PPP1R9A: variants seen among roughly 807,000 people sequenced by gnomAD.
PPP1R9A encodes the protein protein phosphatase 1 regulatory subunit 9A, also known as neurabin-1.
PPP1R9A carries 59 observed loss-of-function variants against 141.9 expected under a neutral mutation model. That is an observed-to-expected ratio of 0.42 (90% CI 0.34 to 0.52). The LOEUF (loss-of-function observed/expected upper bound fraction) is 0.52. Ranked by LOEUF, PPP1R9A falls within the 20% of genes least tolerant of loss-of-function variation. The pLI, the probability that PPP1R9A is intolerant of heterozygous loss-of-function variation, is 0.10. For missense variants in PPP1R9A, 1,444 were observed against 1,611.9 expected, an observed-to-expected ratio of 0.90 and a Z score of 1.78; for synonymous variants, 500 against 569.7, an observed-to-expected ratio of 0.88 and a Z score of 1.74.
intron 8 of PPP1R9A, among the ~76,000 whole-genome samples, chr7:95,244,200 G>C (rs188398347): frequency 6.6e-6 from 1 of 152,132 alleles, no homozygotes; most frequent in African/African-American, 2.4e-5. Flanking sequence ...TTGCGCAGTT[G>C]TTCTCACCTC....
At chr7:94,962,879 G>C (rs1172675073) in intron 2 of PPP1R9A, among the ~76,000 whole-genome samples, 1 of 151,998 alleles carries the variant, frequency 6.6e-6, no homozygotes, top group Non-Finnish European at 1.5e-5. Context: ...TGTGGGTTTT[G>C]GTGTAGGCAG....
Position 95,181,420 on chromosome 7 carries a change from A to T in PPP1R9A, c.1755-16929A>T, listed in dbSNP as rs1563370186. On this transcript the variant is annotated intron_variant, in intron 5 of 19. Transcript: ENST00000433360. ...TATATATATTCCATCATATATATAG[A>T]ATATAGAGAATATATATATTCCATC... 4.4e-3 allele frequency among the ~76,000 whole-genome samples: 376 copies of T among 85,828 alleles called. 5 individuals are homozygous for T. Among genetic ancestry groups the T allele is most frequent in the African/African-American group, 0.012 (358 of 29,788 alleles). The allele number at this position is 85,828 out of a possible 152,430, so 56.3% of individuals were successfully genotyped here.
rs1264501101 is a variant in PPP1R9A at position 95,274,179 on chromosome 7, G to C, written c.3296+11G>C. The C allele has an allele frequency of 6.5e-7, 1 of 1,533,988 alleles. No individual in the cohort carries two copies. The highest frequency in any genetic ancestry group is 1.4e-5 in the African/African-American group (1 of 73,268). On this transcript the variant is annotated intron_variant, in intron 16 of 19. Transcript: ENST00000433360. Reference sequence around the variant, plus strand: ...TTCTGCAGGTAGCAGGTACGGTTGTGTGATTAAGAACACGTGTATTTCTAT... The same window carrying C: ...TTCTGCAGGTAGCAGGTACGGTTGTCTGATTAAGAACACGTGTATTTCTAT...
chr7:95,220,843 C>T (rs1794318151), intron 7 of PPP1R9A, among the ~76,000 whole-genome samples: 1 of 152,066 alleles, frequency 6.6e-6, no homozygotes, highest in Admixed American at 6.6e-5. Context: ...AGGATGTTCT[C>T]ATGTACACGG....
chr7:95,244,869 T>G (rs1338448274), intron 8 of PPP1R9A, among the ~76,000 whole-genome samples: 1 of 152,168 alleles, frequency 6.6e-6, no homozygotes, highest in African/African-American at 2.4e-5. Context: ...GTTTTATCAC[T>G]TAATCATCCA....
chr7:95,173,627 C>A (rs1832479966), intron 5 of PPP1R9A, among the ~76,000 whole-genome samples: 1 of 151,956 alleles, frequency 6.6e-6, no homozygotes, highest in East Asian at 1.9e-4. Flanking sequence ...AAACAATTTT[C>A]TGATAAAGAA....
At chr7:95,180,681 G>GA (rs1279469460) in intron 5 of PPP1R9A, among the ~76,000 whole-genome samples, 1 of 151,112 alleles carries the variant, frequency 6.6e-6, no homozygotes, top group African/African-American at 2.4e-5. Flanking sequence ...AAATCAGCAA[G>GA]AAAAAAAATC....
intron 2 of PPP1R9A, among the ~76,000 whole-genome samples, chr7:95,001,442 C>T (rs539302297): frequency 1.3e-5 from 2 of 152,150 alleles, no homozygotes; most frequent in East Asian, 1.9e-4. Flanking sequence ...AGTTCAAAGT[C>T]CAGAGGTATT....
chr7:94,939,387 G>A (rs1284264206), intron 2 of PPP1R9A, among the ~76,000 whole-genome samples: 1 of 152,074 alleles, frequency 6.6e-6, no homozygotes, highest in South Asian at 2.1e-4. Flanking sequence ...ACTACTTGCT[G>A]AATAAATGAA....
chr7:95,031,311 C>T (rs1035945504), intron 2 of PPP1R9A, among the ~76,000 whole-genome samples: 9 of 152,112 alleles, frequency 5.9e-5, no homozygotes, highest in African/African-American at 2.2e-4. Flanking sequence ...GGAAGGTATA[C>T]AGAAAGCGTT....
At chr7:95,010,522 T>A (rs1356916941) in intron 2 of PPP1R9A, among the ~76,000 whole-genome samples, 3 of 152,212 alleles carry the variant, frequency 2.0e-5, no homozygotes. Context: ...GGAAATTCAT[T>A]CTTTAAATTT....
chr7:95,098,669 C>T (rs1430520907), intron 2 of PPP1R9A, among the ~76,000 whole-genome samples: 2 of 152,138 alleles, frequency 1.3e-5, no homozygotes, highest in African/African-American at 4.8e-5. Flanking sequence ...TCACTTTAGC[C>T]CGCAGTTGTT....
intron 2 of PPP1R9A, among the ~76,000 whole-genome samples, chr7:94,992,272 TG>T (rs1400804406): frequency 6.6e-6 from 1 of 152,228 alleles, no homozygotes; most frequent in Non-Finnish European, 1.5e-5. Flanking sequence ...CCAGCCTTTT[TG>T]TTCAGCATAA....
chr7:95,081,015 G>A (rs1032863565), intron 2 of PPP1R9A, among the ~76,000 whole-genome samples: 1 of 152,188 alleles, frequency 6.6e-6, no homozygotes, highest in Non-Finnish European at 1.5e-5. Flanking sequence ...TTTACAAAGA[G>A]TTGAGAAAAA....
At chr7:95,130,808 A>C (rs1824461050) in intron 4 of PPP1R9A, among the ~76,000 whole-genome samples, 1 of 152,158 alleles carries the variant, frequency 6.6e-6, no homozygotes, top group East Asian at 1.9e-4. Flanking sequence ...GCTGGATTTG[A>C]GACTTGCATG....
At chr7:95,033,787 T>TGAA (rs1808052547) in intron 2 of PPP1R9A, among the ~76,000 whole-genome samples, 2 of 152,144 alleles carry the variant, frequency 1.3e-5, no homozygotes, top group African/African-American at 4.8e-5. Context: ...TCTGCTTCTA[T>TGAA]GAAGTGTGCC....
At chr7:94,947,299 C>T (rs1165149707) in intron 2 of PPP1R9A, among the ~76,000 whole-genome samples, 13 of 152,068 alleles carry the variant, frequency 8.5e-5, no homozygotes, top group Non-Finnish European at 1.3e-4. Flanking sequence ...CCTCTGGAAA[C>T]GGAATGTAGT....
chr7:95,175,777 T>G (rs937521151), intron 5 of PPP1R9A, among the ~76,000 whole-genome samples: 2 of 152,202 alleles, frequency 1.3e-5, no homozygotes, highest in Admixed American at 6.5e-5. Flanking sequence ...ATTTCACTTT[T>G]ATCCCTAGCA....
intron 2 of PPP1R9A, chr7:95,035,969 T>C (rs891159839): frequency 1.3e-5 from 2 of 152,214 alleles, no homozygotes; most frequent in African/African-American, 4.8e-5. Context: ...TTCGATTGTC[T>C]ATCATGAAGA....
Sources: gnomAD v4.1 joint callset for allele counts (sites outside exome capture counted in the v4.1 genomes callset) on GRCh38, gnomAD v4.1.1 for gene constraint, MANE v1.5 for transcripts, NCBI Gene and HGNC (gene_info 2026-07-23, HGNC 2026-07-21) for gene names.